The following RHCG variants were observed in gnomAD, a reference collection of about 807,000 sequenced individuals.
RHCG encodes ammonium transporter Rh type C.
RHCG carries 39 observed loss-of-function variants against 55.3 expected under a neutral mutation model. The observed-to-expected ratio is 0.70, with a 90% confidence interval of 0.55 to 0.92. The LOEUF is 0.92. Ranked by LOEUF, RHCG falls within the 40% of genes least tolerant of loss-of-function variation. RHCG has a pLI of 0.00. For synonymous variants in RHCG, 250 were observed against 246.8 expected (o/e 1.01, Z -0.12); for missense variants, 635 against 627.9 (o/e 1.01, Z -0.12).
In RHCG at chr15:89,474,465, C is replaced by G. The variant is rs1167742623; in HGVS notation, c.1312-1602G>C. 3.3e-5 allele frequency among the ~76,000 whole-genome samples: 5 copies of G among 152,300 alleles called. No individual in the cohort carries two copies. In the South Asian group the frequency reaches 8.3e-4, roughly 25 times the overall value. ...CCACAGACACAGGCGGGTCCTCACCCTTGTCATGAGAGGACAGTGCAGGAG... is the reference window on the plus strand; with the variant it reads ...CCACAGACACAGGCGGGTCCTCACCGTTGTCATGAGAGGACAGTGCAGGAG... On this transcript the variant is annotated intron_variant, in intron 9 of 10. Transcript: ENST00000268122.
At position 89,483,665 on chromosome 15, in the gene RHCG, C is replaced by T. The variant is rs1205118398; in HGVS notation, c.372-448G>A. Reference sequence around the variant, plus strand: ...TCTGCCTCCAGATCCTTATCTCTCACTCTGCACACACCTCTTCTGCTGGTA... The same window carrying T: ...TCTGCCTCCAGATCCTTATCTCTCATTCTGCACACACCTCTTCTGCTGGTA... On this transcript the variant is annotated intron_variant, in intron 2 of 10. Coordinates refer to ENST00000268122, the MANE Select transcript of RHCG (RefSeq NM_016321.3). Among the ~76,000 whole-genome samples, 5 of 152,164 alleles carry T rather than the reference C, an allele frequency of 3.3e-5. No homozygotes were observed. In the South Asian group the frequency reaches 8.3e-4, roughly 25 times the overall value.
chr15:89,486,464 T>C (rs1450357659), intron 2 of RHCG: 9 of 464,310 alleles, frequency 1.9e-5, no homozygotes, highest in South Asian at 1.4e-4. Context: ...CCCTGCAGCC[T>C]TTGTCGTAGG....
chr15:89,474,104 C>T (rs114445504), intron 9 of RHCG, among the ~76,000 whole-genome samples: 2,398 of 151,960 alleles, frequency 0.016, 60 homozygotes, highest in African/African-American at 0.053. Flanking sequence ...GAGAAAGAGA[C>T]GGATACTAAA....
intron 1 of RHCG, among the ~76,000 whole-genome samples, chr15:89,492,718 G>A (rs2141903398): frequency 6.6e-6 from 1 of 152,350 alleles, no homozygotes; most frequent in East Asian, 1.9e-4. Flanking sequence ...CAGGCAAAAA[G>A]CATTTTGTGA....
At chr15:89,481,755 G>T (rs1961270829) in intron 3 of RHCG, among the ~76,000 whole-genome samples, 1 of 152,116 alleles carries the variant, frequency 6.6e-6, no homozygotes, top group Non-Finnish European at 1.5e-5. Context: ...ATTTTCAGTG[G>T]GTGAATGGTC....
Position 89,495,053 on chromosome 15 carries a change from GCTGT to G in RHCG, c.184+1304_184+1307del, listed in dbSNP as rs576858472. Among the ~76,000 whole-genome samples, 980 of 152,298 alleles carry G rather than the reference GCTGT, an allele frequency of 6.4e-3. 6 individuals carry two copies. The highest frequency in any genetic ancestry group is 0.01 in the Non-Finnish European group (695 of 68,030). On this transcript the variant is annotated intron_variant, in intron 1 of 10. Coordinates refer to ENST00000268122, the MANE Select transcript of RHCG (RefSeq NM_016321.3). The stretch of plus-strand genomic sequence containing the variant: ...TTGGAGCCTGAATCCCAAGGCTGCA[GCTGT>G]CTAAGATATCTTTTAAAAAACAGCC...
In RHCG at chr15:89,483,630, A is replaced by G. The variant is rs561697491; in HGVS notation, c.372-413T>C. On this transcript the variant is annotated intron_variant, in intron 2 of 10. Transcript: ENST00000268122. ...GGAAGTCTTCCTGTTTCCTCCAACC[A>G]GATGCAGTTTCTGCCTCCAGATCCT... Among the ~76,000 whole-genome samples, 9 of 152,196 alleles carry G rather than the reference A, an allele frequency of 5.9e-5. No individual in the cohort carries two copies. In the South Asian group the frequency reaches 1.9e-3, roughly 32 times the overall value.
chr15:89,484,123 C>T (rs1335581425), intron 2 of RHCG, among the ~76,000 whole-genome samples: 1 of 152,214 alleles, frequency 6.6e-6, no homozygotes, highest in African/African-American at 2.4e-5. Flanking sequence ...GACTCCCTTC[C>T]CCTTCCATGC....
chr15:89,493,177 T>C (rs539168040), intron 1 of RHCG, among the ~76,000 whole-genome samples: 1 of 152,312 alleles, frequency 6.6e-6, no homozygotes, highest in South Asian at 2.1e-4. Flanking sequence ...TCCTCCGCCC[T>C]GGGTCATCTC....
Position 89,477,688 on chromosome 15 carries a change from G to T in RHCG, c.976-35C>A. On this transcript the variant is annotated intron_variant, in intron 6 of 10. Coordinates refer to ENST00000268122, the MANE Select transcript of RHCG (RefSeq NM_016321.3). The surrounding 1 kb of genome is among the most constrained non-coding windows in gnomAD (Gnocchi z 4.5). ...GGAGGTGGGTGCTGCTCAGGCCGGGGGCTGCATCAAGGGTGTGGGGAGGCC... is the reference window on the plus strand; with the variant it reads ...GGAGGTGGGTGCTGCTCAGGCCGGGTGCTGCATCAAGGGTGTGGGGAGGCC... 5.6e-6 allele frequency: 9 copies of T among 1,612,492 alleles called. No homozygotes were observed. The highest frequency in any genetic ancestry group is 7.6e-6 in the Non-Finnish European group (9 of 1,178,962).
Position 89,483,453 on chromosome 15 carries a change from A to T in RHCG, c.372-236T>A, listed in dbSNP as rs1658237111. Among the ~76,000 whole-genome samples the T allele has an allele frequency of 3.3e-5, 5 of 152,198 alleles. No individual in the cohort carries two copies. The South Asian group carries it at 1.0e-3, about 32-fold the overall frequency. ...CAGATGCCCACCTCCCATGCAGCCC[A>T]TCTCAGGCCCCCGCTGCTTGCAGAC... On this transcript the variant is annotated intron_variant, in intron 2 of 10. Transcript: ENST00000268122.
chr15:89,484,296 T>A (rs972038213), intron 2 of RHCG, among the ~76,000 whole-genome samples: 1 of 152,216 alleles, frequency 6.6e-6, no homozygotes, highest in Admixed American at 6.5e-5. Context: ...AGTTCCTAAG[T>A]GCTAGGCTCT....
intron 4 of RHCG, chr15:89,479,752 G>A (rs926429261): frequency 9.3e-5 from 46 of 493,912 alleles, no homozygotes; most frequent in Middle Eastern, 5.3e-4. Flanking sequence ...TTCCCACAGC[G>A]CCAGGAGGGA....
At chr15:89,488,255 G>A (rs2141899735) in intron 1 of RHCG, among the ~76,000 whole-genome samples, 1 of 151,744 alleles carries the variant, frequency 6.6e-6, no homozygotes, top group South Asian at 2.1e-4. Flanking sequence ...GTAGCAGATA[G>A]GGCTCTTGCC....
chr15:89,476,770 A>T lies in RHCG; in HGVS notation c.1296T>A (p.Asp432Glu). The T allele has an allele frequency of 6.2e-7, 1 of 1,614,122 alleles. No individual in the cohort carries two copies. Among genetic ancestry groups the T allele is most frequent in the Non-Finnish European group, 8.5e-7 (1 of 1,179,976 alleles). The change falls in exon 9 of 11, where the codon GAT becomes GAA. Residue 432 changes from aspartate to glutamate, a missense_variant. Asp to Glu is a conservative substitution (Grantham distance 45). Transcript: ENST00000268122. ...GQPSDENCFEDAVYWEMPEGN... is the reference protein window; with the variant it reads ...GQPSDENCFEEAVYWEMPEGN... ...TGGAACTCACCTCCCAGTAGACCGC[A>T]TCCTCAAAGCAGTTCTCATCTGAAG...
chr15:89,481,609 GAAGATGGGGAGAGAGTAGACAAT>G (rs1285414252), intron 3 of RHCG, among the ~76,000 whole-genome samples: 1 of 152,142 alleles, frequency 6.6e-6, no homozygotes, highest in African/African-American at 2.4e-5. Context: ...CAAAGCACAG[GAAGATGGGGAGAGAGTAGACAAT>G]AAGATGGGGA....
At chr15:89,478,126 A>G in intron 5 of RHCG, 152 bp from the exon 6 acceptor site, 1 of 983,380 alleles carries the variant, frequency 1.0e-6, no homozygotes. Context: ...AGGAGCCTGC[A>G]GAGGACTTCA....
intron 1 of RHCG, among the ~76,000 whole-genome samples, chr15:89,487,451 CTG>C (rs558216228): frequency 1.2e-3 from 182 of 152,342 alleles, no homozygotes; most frequent in African/African-American, 4.1e-3. Flanking sequence ...CCCAGACCGT[CTG>C]AGGCTATGAT....
intron 3 of RHCG, among the ~76,000 whole-genome samples, chr15:89,480,942 G>A (rs1284098958): frequency 3.9e-5 from 6 of 152,140 alleles, no homozygotes; most frequent in African/African-American, 1.4e-4. Flanking sequence ...TCCCCACCTA[G>A]AACCAATTTC....
Sources: allele counts gnomAD v4.1 joint callset (sites outside exome capture counted in the v4.1 genomes callset), GRCh38; gene constraint gnomAD v4.1.1; non-coding constraint Gnocchi (gnomAD v3.1); transcripts MANE v1.5; gene names NCBI Gene and HGNC (gene_info 2026-07-23, HGNC 2026-07-21).